Variants in ACOT7 observed in about 807,000 individuals in gnomAD.
The protein encoded by ACOT7 is acyl-CoA thioesterase 7, also known as cytosolic acyl coenzyme A thioester hydrolase.
Under a neutral mutation model 40.2 loss-of-function variants are expected in ACOT7, and 12 were observed. The observed-to-expected ratio is 0.30, with a 90% CI of 0.19 to 0.48. ACOT7 has a LOEUF of 0.48. Ranked by LOEUF, ACOT7 falls within the 20% of genes least tolerant of loss-of-function variation. ACOT7 has a pLI of 0.99. For synonymous variants in ACOT7, 228 were observed against 219.5 expected (o/e 1.04, Z -0.34); for missense variants, 395 against 530.8 (o/e 0.74, Z 2.51).
At chr1:6,268,896 G>C (rs1263104308) in intron 8 of ACOT7, among the ~76,000 whole-genome samples, 1 of 152,184 alleles carries the variant, frequency 6.6e-6, no homozygotes, top group Non-Finnish European at 1.5e-5. Context: ...CCCTCCAGCC[G>C]CCGAGGGCGT....
intron 1 of ACOT7, among the ~76,000 whole-genome samples, chr1:6,391,936 ATTTCC>A (rs1248742722): frequency 6.6e-6 from 1 of 150,542 alleles, no homozygotes; most frequent in African/African-American, 2.4e-5. Flanking sequence ...GTCTCCAGTT[ATTTCC>A]TTTTTTTTTT....
At chr1:6,343,214 G>A (rs1056418440) in intron 2 of ACOT7, among the ~76,000 whole-genome samples, 8 of 152,218 alleles carry the variant, frequency 5.3e-5, no homozygotes, top group African/African-American at 1.9e-4. Context: ...AAGCCCTGGT[G>A]TGTGCGTCTG....
chr1:6,342,209 C>T (rs1233393956), intron 2 of ACOT7, among the ~76,000 whole-genome samples: 2 of 152,196 alleles, frequency 1.3e-5, no homozygotes, highest in East Asian at 1.9e-4. Flanking sequence ...CAGTGCTTCT[C>T]GTGTGTCCTC....
chr1:6,342,364 A>C (rs978858775), intron 2 of ACOT7, among the ~76,000 whole-genome samples: 4 of 152,094 alleles, frequency 2.6e-5, no homozygotes, highest in African/African-American at 9.7e-5. Flanking sequence ...GAATTTCAAC[A>C]CATGAGAGAC....
At chr1:6,336,358 A>AAAAAAAAC (rs1641102801) in intron 3 of ACOT7, among the ~76,000 whole-genome samples, 3 of 150,310 alleles carry the variant, frequency 2.0e-5, no homozygotes, top group African/African-American at 4.9e-5. Flanking sequence ...AAAAAAAAAA[A>AAAAAAAAC]TCTCTTAAAA....
At chr1:6,286,989 T>C (rs1021061208) in intron 7 of ACOT7, among the ~76,000 whole-genome samples, 8 of 152,342 alleles carry the variant, frequency 5.3e-5, no homozygotes, top group Admixed American at 4.6e-4. Flanking sequence ...GGTTTCAGCA[T>C]GTTAGCCAGG....
chr1:6,304,786 G>A (rs1640078638), intron 6 of ACOT7, among the ~76,000 whole-genome samples: 1 of 137,196 alleles, frequency 7.3e-6, no homozygotes, highest in Admixed American at 7.1e-5. Flanking sequence ...AGTCTCCCAT[G>A]TCTACCTCTT....
intron 8 of ACOT7, among the ~76,000 whole-genome samples, chr1:6,267,419 G>A (rs1638884521): frequency 6.6e-6 from 1 of 152,244 alleles, no homozygotes; most frequent in South Asian, 2.1e-4. Context: ...TCCAAGGCCA[G>A]GGCCCTGGAG....
rs566917897 is a variant in ACOT7 at position 6,320,203 on chromosome 1, T to C, written c.626-1625A>G. On this transcript the variant is annotated intron_variant, in intron 5 of 8. Transcript: ENST00000361521. ...TAAACACCTAGCACACACGAAGCCC[T>C]GTAAATAGCTTGTCACATAGGACGG... Among the ~76,000 whole-genome samples the C allele has an allele frequency of 3.1e-4, 47 of 152,354 alleles. No individual in the cohort carries two copies. The Middle Eastern group carries it at 0.017, about 55-fold the overall frequency.
intron 1 of ACOT7, among the ~76,000 whole-genome samples, chr1:6,370,369 C>A (rs77335497): frequency 0.094 from 14,221 of 151,968 alleles, 969 homozygotes; most frequent in African/African-American, 0.19. Flanking sequence ...TGGACTAAAG[C>A]CAGCAGGCAC....
intron 2 of ACOT7, among the ~76,000 whole-genome samples, chr1:6,345,218 C>G (rs1312324046): frequency 6.6e-6 from 1 of 152,260 alleles, no homozygotes; most frequent in Non-Finnish European, 1.5e-5. Context: ...CTGATCAGCA[C>G]CTGCCCGGAA....
Position 6,306,387 on chromosome 1 carries a change from C to T in ACOT7, c.713-11407G>A. ...AGTGTGGGCAGGACAAAGTGAGTTCCTGGGACAGGTGCCTATAGGATGCTT... is the reference window on the plus strand; with the variant it reads ...AGTGTGGGCAGGACAAAGTGAGTTCTTGGGACAGGTGCCTATAGGATGCTT... On this transcript the variant is annotated intron_variant, in intron 6 of 8. Coordinates refer to ENST00000361521, the MANE Select transcript of ACOT7 (RefSeq NM_007274.4). This position sits in a 1 kb window ranked among gnomAD's most constrained non-coding sequence, Gnocchi z 4.3. The T allele has an allele frequency of 1.0e-6, 1 of 985,400 alleles. No individual in the cohort carries two copies. The highest frequency in any genetic ancestry group is 1.2e-6 in the Non-Finnish European group (1 of 829,910). 61.0% of individuals were successfully genotyped at this position (985,400 alleles called of 1,614,324 possible). A position where few individuals can be genotyped will look rare whatever the true frequency, so the allele number is the denominator to read the frequency against.
At chr1:6,375,817 A>C (rs1360451899) in intron 1 of ACOT7, among the ~76,000 whole-genome samples, 1 of 152,006 alleles carries the variant, frequency 6.6e-6, no homozygotes, top group Non-Finnish European at 1.5e-5. Flanking sequence ...GGGCACCTGT[A>C]GTCCCAGCTG....
Position 6,337,834 on chromosome 1 carries a change from G to A in ACOT7, c.418+1599C>T, listed in dbSNP as rs550817255. On this transcript the variant is annotated intron_variant, in intron 3 of 8. Transcript: ENST00000361521. ...TACTAAAAATACAAAAATTAGCCAGGTATGGTGGCTCATGCCTGTAATCCC... is the reference window on the plus strand; with the variant it reads ...TACTAAAAATACAAAAATTAGCCAGATATGGTGGCTCATGCCTGTAATCCC... Among the ~76,000 whole-genome samples the A allele has an allele frequency of 2.0e-5, 3 of 152,134 alleles. No individual in the cohort carries two copies. In the South Asian group the frequency reaches 6.2e-4, roughly 32 times the overall value.
At chr1:6,318,718 G>T in intron 5 of ACOT7, 140 bp from the exon 6 acceptor site, 1 of 782,246 alleles carries the variant, frequency 1.3e-6, no homozygotes. Context: ...ATTTCTCTAA[G>T]GAAAACTATG....
intron 6 of ACOT7, among the ~76,000 whole-genome samples, chr1:6,295,878 C>CAA (rs113578768): frequency 1.7e-4 from 24 of 142,916 alleles, no homozygotes; most frequent in South Asian, 2.3e-4. Context: ...TGTGCAAATA[C>CAA]AAAAAAAAAA....
At chr1:6,342,885 A>T (rs1169399865) in intron 2 of ACOT7, among the ~76,000 whole-genome samples, 1 of 152,262 alleles carries the variant, frequency 6.6e-6, no homozygotes, top group African/African-American at 2.4e-5. Context: ...ATCCTGACCA[A>T]CACTCAGAAT....
chr1:6,337,833 G>C (rs560096004), intron 3 of ACOT7, among the ~76,000 whole-genome samples: 2 of 152,130 alleles, frequency 1.3e-5, no homozygotes, highest in African/African-American at 4.8e-5. Flanking sequence ...AAATTAGCCA[G>C]GTATGGTGGC....
rs1571260521 is a variant in ACOT7, at chr1:6,275,365, C to T, written c.1014+5737G>A. Reference sequence around the variant, plus strand: ...GCACGTCAGAGCGGACAAAGCTCAACAGGGTGCGTTTTCCCTGAGTTCTTG... The same window carrying T: ...GCACGTCAGAGCGGACAAAGCTCAATAGGGTGCGTTTTCCCTGAGTTCTTG... On this transcript the variant is annotated intron_variant, in intron 8 of 8. Transcript: ENST00000361521. The surrounding 1 kb of genome is among the most constrained non-coding windows in gnomAD (Gnocchi z 5.6). 6.6e-6 allele frequency among the ~76,000 whole-genome samples: 1 copy of T among 152,182 alleles called. No individual in the cohort carries two copies.
Sources: allele counts gnomAD v4.1 joint callset (sites outside exome capture counted in the v4.1 genomes callset), GRCh38; gene constraint gnomAD v4.1.1; non-coding constraint Gnocchi (gnomAD v3.1); transcripts MANE v1.5; gene names NCBI Gene and HGNC (gene_info 2026-07-23, HGNC 2026-07-21).